The following PRDM4 variants were observed in gnomAD, a reference collection of about 807,000 sequenced individuals.
PRDM4 encodes the protein PR/SET domain 4.
A neutral mutation model predicts 62.3 loss-of-function variants in PRDM4; 38 were observed. The ratio of observed to expected loss-of-function variants is 0.61; its 90% CI spans 0.47 to 0.80. The LOEUF is 0.80. Ranked by LOEUF, PRDM4 falls within the 30% of genes least tolerant of loss-of-function variation. The pLI is 0.00. For missense variants in PRDM4, 858 were observed against 997.1 expected, an observed-to-expected ratio of 0.86 and a Z score of 1.88; for synonymous variants, 339 against 348.2, an observed-to-expected ratio of 0.97 and a Z score of 0.30.
Position 107,737,094 on chromosome 12 carries a change from G to C in PRDM4, c.2093+2289C>G, listed in dbSNP as rs974840939. The C allele has an allele frequency of 2.7e-4, 41 of 151,920 alleles. 1 individual carries two copies. The highest frequency in any genetic ancestry group is 3.9e-4 in the Admixed American group (6 of 15,236). 9.4% of individuals were successfully genotyped at this position (151,920 alleles called of 1,614,324 possible). ...TAAAGCCATGAGACAAGATGACCTG[G>C]GGAGTAAACATCACTGTTCTTCTGC... On this transcript the variant is annotated intron_variant, in intron 11 of 11. Transcript: ENST00000228437.
chr12:107,742,490 T>C, intron 8 of PRDM4, 142 bp from the exon 9 acceptor site: 2 of 969,736 alleles, frequency 2.1e-6, no homozygotes, highest in Non-Finnish European at 3.1e-6. Context: ...TAATTTCCCG[T>C]CCTATCTATG....
chr12:107,753,988 G>A lies in PRDM4; in HGVS notation c.267C>T (p.Asn89=). The A allele has an allele frequency of 6.2e-7, 1 of 1,614,156 alleles. No individual in the cohort carries two copies. The highest frequency in any genetic ancestry group is 2.2e-5 in the East Asian group (1 of 44,884). ...RGVMCGLPER[N]YTLPPPPYPH... is the part of the protein sequence containing the mutation. ...GGTAAGGTGGTGGAGGTAGGGTGTA[G>A]TTTCTTTCAGGTAACCCACACATCA... The change falls in exon 4 of 12, where the codon AAC becomes AAT. Residue 89 remains asparagine, a synonymous_variant. Transcript: ENST00000228437.
intron 11 of PRDM4, among the ~76,000 whole-genome samples, chr12:107,738,878 AACACAC>A (rs111582421): frequency 0.11 from 16,788 of 146,878 alleles, 2,143 homozygotes; most frequent in African/African-American, 0.32. Context: ...AATTCAGACA[AACACAC>A]ACACACACAC....
At position 107,751,613 on chromosome 12, in the gene PRDM4, C is replaced by A. The variant is rs1890897239; in HGVS notation, c.928G>T (p.Ala310Ser). 1.2e-6 allele frequency: 2 copies of A among 1,613,862 alleles called. No homozygotes were observed. Among genetic ancestry groups the A allele is most frequent in the Non-Finnish European group, 1.7e-6 (2 of 1,179,806 alleles). The change falls in exon 5 of 12, where the codon GCC becomes TCC. Residue 310 changes from alanine (A) to serine (S), a missense_variant. Coordinates refer to ENST00000228437, the MANE Select transcript of PRDM4 (RefSeq NM_012406.4). ...TGGAGGGAAACAGATTCTAGGGAGG[C>A]AAGGTTGTGTGAGGTAGAGAGTGCC... ...SVALSTSHNLASLESVSLHEV... is the reference protein window; with the variant it reads ...SVALSTSHNLSSLESVSLHEV...
chr12:107,738,632 C>T (rs1008931124), intron 11 of PRDM4: 1 of 152,198 alleles, frequency 6.6e-6, no homozygotes, highest in Non-Finnish European at 1.5e-5. Context: ...CATTTAATTA[C>T]ACTTGGATTC....
intron 5 of PRDM4, 59 bp from the exon 6 acceptor site, chr12:107,746,483 A>T: frequency 1.5e-6 from 2 of 1,339,418 alleles, no homozygotes; most frequent in South Asian, 1.6e-5. Context: ...CTAAATTACC[A>T]CCACGGTTTT....
Position 107,751,527 on chromosome 12 carries a change from CAT to C in PRDM4, c.1012_1013del (p.Met338GlyfsTer43). 1 of 1,612,630 alleles carries C rather than the reference CAT, an allele frequency of 6.2e-7. No individual in the cohort carries two copies. The highest frequency in any genetic ancestry group is 8.5e-7 in the Non-Finnish European group (1 of 1,178,640). ...AVSSITQEVAMGTGHVDVSSD... is the reference protein window; with the variant it reads ...AVSSITQEVAXGTGHVDVSSD... ...AAGATACATCTACATGACCTGTCCC[CAT>C]AGCAACCTCCTGGGTGATGGAGGAG... is the stretch of plus-strand genomic sequence containing the variant. On this transcript the variant is annotated frameshift_variant, in exon 5 of 12. Transcript: ENST00000228437. LOFTEE classifies it high-confidence loss of function.
At chr12:107,744,991 C>T (rs754056463) in intron 6 of PRDM4, among the ~76,000 whole-genome samples, 3 of 152,074 alleles carry the variant, frequency 2.0e-5, no homozygotes, top group African/African-American at 4.8e-5. Flanking sequence ...ACCCAGGAGG[C>T]GGAGGTTGCA....
chr12:107,741,664 G>A (rs1408970439), intron 9 of PRDM4, among the ~76,000 whole-genome samples: 1 of 152,156 alleles, frequency 6.6e-6, no homozygotes, highest in Non-Finnish European at 1.5e-5. Flanking sequence ...GTTATAGTTG[G>A]CTATGACTGC....
intron 10 of PRDM4, among the ~76,000 whole-genome samples, chr12:107,740,463 G>A (rs1242370200): frequency 2.0e-5 from 3 of 151,980 alleles, no homozygotes; most frequent in Non-Finnish European, 4.4e-5. Context: ...CTCCAGCCTG[G>A]GCAACAGAGT....
At chr12:107,739,164 T>C in intron 11 of PRDM4, 1 of 473,324 alleles carries the variant, frequency 2.1e-6, no homozygotes, top group South Asian at 3.6e-5. Flanking sequence ...ATGTGAAAAG[T>C]AAGAAAAAGA....
At chr12:107,758,213 ATATGTAAC>A (rs1465379683) in intron 2 of PRDM4, 1 of 141,926 alleles carries the variant, frequency 7.0e-6, no homozygotes, top group Non-Finnish European at 1.5e-5. Flanking sequence ...TAAGTGATTT[ATATGTAAC>A]TATCTCTCTT....
At chr12:107,743,865 G>T (rs900709548) in intron 7 of PRDM4, among the ~76,000 whole-genome samples, 4 of 152,176 alleles carry the variant, frequency 2.6e-5, no homozygotes, top group African/African-American at 9.6e-5. Flanking sequence ...CTGTAATCCC[G>T]GCACTTTGGG....
chr12:107,737,195 G>A (rs370349686), intron 11 of PRDM4, among the ~76,000 whole-genome samples: 1 of 151,892 alleles, frequency 6.6e-6, no homozygotes, highest in Non-Finnish European at 1.5e-5. Flanking sequence ...ACACTAGGGG[G>A]GGAACTCCTC....
chr12:107,742,380 T>C (rs1476825080), intron 8 of PRDM4, 32 bp from the exon 9 acceptor site: 2 of 1,610,632 alleles, frequency 1.2e-6, no homozygotes. Context: ...ATCAAGCACA[T>C]TAATTTTGAA....
rs769845108 is a variant in PRDM4 at position 107,741,143 on chromosome 12, T to C, written c.1727A>G (p.His576Arg). The change falls in exon 10 of 12, where the codon CAT (histidine) becomes CGT (arginine). Residue 576 changes from histidine to arginine, a missense_variant. His to Arg is a conservative substitution (Grantham distance 29). Around this residue, in one of 3 missense-constraint regions of PRDM4, gnomAD observed 355 missense variants for 432.6 expected, o/e 0.82. Transcript: ENST00000228437. ...HIHNHLPTQGHSGSHGPSHSK... is the reference protein window; with the variant it reads ...HIHNHLPTQGRSGSHGPSHSK... ...GTGACTTGGCCCATGGCTGCCGCTA[T>C]GTCCCTGGGTAGGAAGATGGTTATG... 1.9e-6 allele frequency: 3 copies of C among 1,614,214 alleles called. No homozygotes were observed. The highest frequency in any genetic ancestry group is 2.5e-6 in the Non-Finnish European group (3 of 1,180,046).
Position 107,751,640 on chromosome 12 carries a change from C to A in PRDM4, c.901G>T (p.Val301Leu), listed in dbSNP as rs199995389. 6.2e-7 allele frequency: 1 copy of A among 1,613,950 alleles called. No individual in the cohort carries two copies. The highest frequency in any genetic ancestry group is 2.2e-5 in the East Asian group (1 of 44,894). Reference protein sequence around the residue: ...TVAMSTNSVSVALSTSHNLAS... With the variant: ...TVAMSTNSVSLALSTSHNLAS... The stretch of plus-strand genomic sequence containing the variant: ...AGGTTGTGTGAGGTAGAGAGTGCCA[C>A]GCTTACAGAGTTGGTGCTCATGGCC... Residue 301 changes from valine (V) to leucine (L), a missense_variant, in exon 5 of 12, where the codon GTG becomes TTG. By Grantham distance (32) the Val-to-Leu change is conservative. Transcript: ENST00000228437.
At chr12:107,735,955 G>A (rs1292902957) in intron 11 of PRDM4, among the ~76,000 whole-genome samples, 1 of 151,976 alleles carries the variant, frequency 6.6e-6, no homozygotes, top group African/African-American at 2.4e-5. Context: ...GAATTCCCTG[G>A]AGCAGTTTTA....
chr12:107,751,515 A>G lies in PRDM4; in HGVS notation c.1026T>C (p.His342=). ...AAAGACTGTCTGAAGATACATCTAC[A>G]TGACCTGTCCCCATAGCAACCTCCT... ...ITQEVAMGTG[H]VDVSSDSLSF... is the part of the protein sequence containing the mutation. Residue 342 remains histidine, a synonymous_variant, in exon 5 of 12, where the codon CAT becomes CAC. Transcript: ENST00000228437. The G allele has an allele frequency of 6.2e-7, 1 of 1,613,252 alleles. No individual in the cohort carries two copies. Among genetic ancestry groups the G allele is most frequent in the Non-Finnish European group, 8.5e-7 (1 of 1,179,176 alleles).
Sources: gnomAD v4.1 joint callset for allele counts (sites outside exome capture counted in the v4.1 genomes callset) on GRCh38, gnomAD v4.1.1 for gene constraint, gnomAD v4.1.1 regional missense constraint, MANE v1.5 for transcripts, NCBI Gene and HGNC (gene_info 2026-07-23, HGNC 2026-07-21) for gene names.